KLHDC1: variants seen among roughly 807,000 people sequenced by gnomAD.
KLHDC1 encodes the protein kelch domain-containing protein 1.
A neutral mutation model predicts 68.3 loss-of-function variants in KLHDC1; 53 were observed. The observed-to-expected ratio is 0.78, with a 90% CI of 0.62 to 0.98. The LOEUF (loss-of-function observed/expected upper bound fraction) is 0.98, where lower values mean the gene tolerates loss of function less well. Ranked by LOEUF, KLHDC1 falls within the 50% of genes least tolerant of loss-of-function variation. The pLI, the probability that KLHDC1 is intolerant of heterozygous loss-of-function variation, is 0.00. For synonymous variants in KLHDC1, 148 were observed against 159.0 expected (o/e 0.93, Z 0.52); for missense variants, 470 against 492.3 (o/e 0.95, Z 0.43).
At chr14:49,738,513 A>T (rs1358096010) in intron 10 of KLHDC1, among the ~76,000 whole-genome samples, 1 of 149,446 alleles carries the variant, frequency 6.7e-6, no homozygotes, top group African/African-American at 2.5e-5. Context: ...AGCTCGGCTA[A>T]TTTTTTTTTT....
At position 49,693,228 on chromosome 14, in the gene KLHDC1, G is replaced by A; in HGVS notation, c.34G>A (p.Glu12Lys). 1 of 1,575,618 alleles carries A rather than the reference G, an allele frequency of 6.3e-7. No homozygotes were observed. Among genetic ancestry groups the A allele is most frequent in the Non-Finnish European group, 8.6e-7 (1 of 1,163,142 alleles). The part of the protein sequence containing the change: ...ADSQLFCVAE[E>K]RSGHCAVVDG... ...CTCTCAGCTGTTCTGTGTGGCGGAG[G>A]AACGCAGCGGCCACTGCGCCGTGGT... is the stretch of plus-strand genomic sequence containing the variant. The change falls in exon 1 of 13, where the codon GAA becomes AAA. Residue 12 changes from glutamate to lysine, a missense_variant. Transcript: ENST00000359332.
chr14:49,740,059 A>G, intron 10 of KLHDC1, 39 bp from the exon 11 acceptor site: 1 of 1,117,254 alleles, frequency 9.0e-7, no homozygotes, highest in Non-Finnish European at 1.3e-6. Flanking sequence ...AGTTTCTCCC[A>G]TGACAGTGTT....
intron 4 of KLHDC1, among the ~76,000 whole-genome samples, chr14:49,722,327 CA>C (rs962671350): frequency 1.3e-5 from 2 of 152,160 alleles, no homozygotes; most frequent in African/African-American, 4.8e-5. Flanking sequence ...CAAGTGTTCT[CA>C]TTGTTCAGTT....
intron 4 of KLHDC1, among the ~76,000 whole-genome samples, chr14:49,710,784 G>T (rs572947428): frequency 6.6e-6 from 1 of 152,204 alleles, no homozygotes; most frequent in African/African-American, 2.4e-5. Context: ...GGAAGAAGGG[G>T]AACTTTAGTT....
At chr14:49,703,315 T>C (rs144202275) in intron 1 of KLHDC1, among the ~76,000 whole-genome samples, 147 of 152,130 alleles carry the variant, frequency 9.7e-4, no homozygotes, top group African/African-American at 3.4e-3. Context: ...TATTTGGTTT[T>C]GAATCATAGC....
chr14:49,704,139 A>T (rs1887981695), intron 1 of KLHDC1, among the ~76,000 whole-genome samples: 1 of 152,160 alleles, frequency 6.6e-6, no homozygotes, highest in Non-Finnish European at 1.5e-5. Context: ...TTGCCGTTCC[A>T]GTGAGTGTGA....
chr14:49,726,711 C>T (rs1370682180), intron 6 of KLHDC1, among the ~76,000 whole-genome samples: 2 of 152,122 alleles, frequency 1.3e-5, no homozygotes, highest in Admixed American at 6.6e-5. Context: ...AGCTGGAAAT[C>T]ATATTGGAAT....
chr14:49,707,474 A>G (rs1449067783), intron 1 of KLHDC1, among the ~76,000 whole-genome samples: 1 of 143,880 alleles, frequency 7.0e-6, no homozygotes, highest in Non-Finnish European at 1.5e-5. Flanking sequence ...CAGCCTTCTG[A>G]GTTGCTGGGA....
chr14:49,716,582 C>T (rs939449219), intron 4 of KLHDC1, among the ~76,000 whole-genome samples: 4 of 152,074 alleles, frequency 2.6e-5, no homozygotes, highest in African/African-American at 9.6e-5. Context: ...CGGGGTTTCA[C>T]CATGTTGGCC....
intron 11 of KLHDC1, 52 bp from the exon 12 acceptor site, chr14:49,743,701 C>A: frequency 9.8e-7 from 1 of 1,020,160 alleles, no homozygotes; most frequent in Non-Finnish European, 1.5e-6. Context: ...CAATTATTAA[C>A]TCATTGTTAT....
chr14:49,740,831 C>T (rs866301175), intron 11 of KLHDC1, among the ~76,000 whole-genome samples: 55 of 152,114 alleles, frequency 3.6e-4, no homozygotes, highest in African/African-American at 1.1e-3. Flanking sequence ...TAGTTGCCCA[C>T]GCCTCTAAAT....
chr14:49,713,374 A>T (rs929455736), intron 4 of KLHDC1, among the ~76,000 whole-genome samples: 7 of 152,152 alleles, frequency 4.6e-5, no homozygotes, highest in African/African-American at 1.7e-4. Flanking sequence ...AAGTGATGAT[A>T]TTCTAATTCT....
chr14:49,707,338 CTTTTTTTTTTTTTTTTT>C (rs1191432812), intron 1 of KLHDC1, among the ~76,000 whole-genome samples: 2 of 61,774 alleles, frequency 3.2e-5, no homozygotes, highest in Non-Finnish European at 6.4e-5. Flanking sequence ...ACAAGATATT[CTTTTTTTTTTTTTTTTT>C]TTTTTTTTTG....
At chr14:49,733,493 T>C (rs1384031171) in intron 9 of KLHDC1, among the ~76,000 whole-genome samples, 1 of 150,962 alleles carries the variant, frequency 6.6e-6, no homozygotes, top group Non-Finnish European at 1.5e-5. Flanking sequence ...GATGGTGCAA[T>C]CTCGGCTCAC....
Position 49,751,695 on chromosome 14 carries a change from G to A in KLHDC1, c.1144G>A (p.Ala382Thr). The A allele has an allele frequency of 1.2e-6, 2 of 1,606,776 alleles. No homozygotes were observed. Among genetic ancestry groups the A allele is most frequent in the Non-Finnish European group, 1.7e-6 (2 of 1,175,554 alleles). Reference sequence around the variant, plus strand: ...ACTCAAAAAAATAACATTTTGGGCTGCAGCTAATCACCGAGAAGAACAAAG... The same window carrying A: ...ACTCAAAAAAATAACATTTTGGGCTACAGCTAATCACCGAGAAGAACAAAG... ...QVLKKITFWA[A>T]ANHREEQRVQ... The change falls in exon 13 of 13, where the codon GCA becomes ACA. Residue 382 changes from alanine to threonine, a missense_variant. Ala to Thr is a moderately conservative substitution (Grantham distance 58). Transcript: ENST00000359332.
intron 11 of KLHDC1, among the ~76,000 whole-genome samples, chr14:49,742,672 TA>T (rs373370360): frequency 0.033 from 2,404 of 72,064 alleles, 54 homozygotes; most frequent in African/African-American, 0.12. Flanking sequence ...GACTCCGTCC[TA>T]AAAAAAAAAA....
intron 1 of KLHDC1, among the ~76,000 whole-genome samples, chr14:49,706,319 T>G (rs1440805740): frequency 6.6e-6 from 1 of 152,230 alleles, no homozygotes; most frequent in African/African-American, 2.4e-5. Flanking sequence ...GATCTCATTC[T>G]TTTTTATGGC....
chr14:49,700,333 A>C (rs1027897515), intron 1 of KLHDC1: 1 of 158,826 alleles, frequency 6.3e-6, no homozygotes, highest in East Asian at 1.9e-4. Context: ...CTGTAACCCT[A>C]GCACTTTTGG....
intron 1 of KLHDC1, among the ~76,000 whole-genome samples, chr14:49,699,407 G>A (rs1369267656): frequency 6.6e-6 from 1 of 151,228 alleles, no homozygotes; most frequent in Non-Finnish European, 1.5e-5. Flanking sequence ...AAGCCATATG[G>A]GTAGTATAGG....
Sources: gnomAD v4.1 joint callset for allele counts (sites outside exome capture counted in the v4.1 genomes callset) on GRCh38, gnomAD v4.1.1 for gene constraint, MANE v1.5 for transcripts, NCBI Gene and HGNC (gene_info 2026-07-23, HGNC 2026-07-21) for gene names.